The following UBE2E2 variants were observed in gnomAD, a reference collection of about 807,000 sequenced individuals.
The protein encoded by UBE2E2 is ubiquitin-conjugating enzyme E2 E2.
A neutral mutation model predicts 24.7 loss-of-function variants in UBE2E2; 6 were observed. That is an observed-to-expected ratio of 0.24 (90% confidence interval 0.13 to 0.48). The LOEUF is 0.48. Among genes scored for constraint, UBE2E2 ranks in the 20% least tolerant of loss-of-function variants. UBE2E2 has a pLI of 0.99. For synonymous variants in UBE2E2, 104 were observed against 83.6 expected, an observed-to-expected ratio of 1.24 and a Z score of -1.33; for missense variants, 169 against 245.0, an observed-to-expected ratio of 0.69 and a Z score of 2.07.
chr3:23,332,021 C>T (rs1383646689), intron 3 of UBE2E2, among the ~76,000 whole-genome samples: 1 of 151,970 alleles, frequency 6.6e-6, no homozygotes, highest in Non-Finnish European at 1.5e-5. Context: ...GCTTCTTTAC[C>T]TTAATACGGA....
chr3:23,532,749 A>G (rs375922587), intron 5 of UBE2E2, 48 bp downstream of exon 5: 1 of 1,454,848 alleles, frequency 6.9e-7, no homozygotes, highest in South Asian at 1.7e-5. Context: ...CAAGATTTAA[A>G]TGTCAGACCC....
At chr3:23,484,026 A>T (rs1350079998) in intron 3 of UBE2E2, among the ~76,000 whole-genome samples, 1 of 152,166 alleles carries the variant, frequency 6.6e-6, no homozygotes, top group Non-Finnish European at 1.5e-5. Flanking sequence ...GGAGCAACAA[A>T]TTTGAATATC....
At chr3:23,212,088 A>G (rs1428207263) in intron 2 of UBE2E2, among the ~76,000 whole-genome samples, 1 of 152,234 alleles carries the variant, frequency 6.6e-6, no homozygotes, top group Non-Finnish European at 1.5e-5. Context: ...AATAATTGTA[A>G]TGCAGTAATT....
intron 3 of UBE2E2, among the ~76,000 whole-genome samples, chr3:23,294,693 ATAT>A (rs1050394660): frequency 2.3e-4 from 33 of 146,438 alleles, no homozygotes; most frequent in African/African-American, 6.2e-4. Flanking sequence ...TTTAAATATA[ATAT>A]TTATATAATA....
chr3:23,421,654 C>T lies in UBE2E2; in HGVS notation c.228-77954C>T, dbSNP rs571910360. On this transcript the variant is annotated intron_variant, in intron 3 of 5. Coordinates refer to ENST00000396703, the MANE Select transcript of UBE2E2 (RefSeq NM_152653.4). ...AACTCCTGACCTCATGACCCGCCCA[C>T]CTCGGCCTCTCAAAGTGCTGGGATT... Among the ~76,000 whole-genome samples the T allele has an allele frequency of 4.0e-4, 61 of 152,320 alleles. No individual in the cohort carries two copies. The South Asian group carries it at 0.012, about 31-fold the overall frequency.
intron 3 of UBE2E2, among the ~76,000 whole-genome samples, chr3:23,319,499 T>G (rs188760949): frequency 5.1e-4 from 77 of 152,298 alleles, no homozygotes; most frequent in Admixed American, 1.2e-3. Context: ...TTATTTGTAT[T>G]AACAAATTTA....
intron 4 of UBE2E2, among the ~76,000 whole-genome samples, chr3:23,522,148 T>TTTGGCA (rs58369100): frequency 2.6e-5 from 3 of 115,186 alleles, no homozygotes; most frequent in Admixed American, 8.4e-5. Context: ...TTTTTTTTTT[T>TTTGGCA]GAGGCAGAGT....
intron 5 of UBE2E2, among the ~76,000 whole-genome samples, chr3:23,535,618 CT>C (rs67901258): frequency 0.037 from 3,221 of 85,946 alleles, 10 homozygotes; most frequent in Non-Finnish European, 0.046. Context: ...ATAGAGCATT[CT>C]TTTTTTTTTT....
chr3:23,565,632 G>T (rs190052121), intron 5 of UBE2E2, among the ~76,000 whole-genome samples: 115 of 151,814 alleles, frequency 7.6e-4, no homozygotes, highest in Admixed American at 2.0e-3. Flanking sequence ...AGGTTATAGG[G>T]GCCCTCTGGC....
At chr3:23,269,220 A>G (rs916203236) in intron 3 of UBE2E2, among the ~76,000 whole-genome samples, 4 of 145,906 alleles carry the variant, frequency 2.7e-5, no homozygotes, top group African/African-American at 9.9e-5. Flanking sequence ...ATTAAACTAA[A>G]GAACTTCTGC....
intron 3 of UBE2E2, among the ~76,000 whole-genome samples, chr3:23,233,130 G>A (rs1468133641): frequency 6.6e-6 from 1 of 152,204 alleles, no homozygotes; most frequent in East Asian, 1.9e-4. Context: ...GAGGGAGTTG[G>A]CAATAGCCTG....
chr3:23,425,758 C>G (rs1047760936), intron 3 of UBE2E2, among the ~76,000 whole-genome samples: 3 of 152,078 alleles, frequency 2.0e-5, no homozygotes, highest in African/African-American at 7.2e-5. Flanking sequence ...ATAGAATGCT[C>G]TACCCTCCCC....
intron 3 of UBE2E2, among the ~76,000 whole-genome samples, chr3:23,336,475 G>A (rs1207259656): frequency 6.6e-6 from 1 of 152,140 alleles, no homozygotes; most frequent in Non-Finnish European, 1.5e-5. Flanking sequence ...GTTTTGTCAG[G>A]AGGTCTGCTG....
At chr3:23,330,916 C>G (rs1695041207) in intron 3 of UBE2E2, among the ~76,000 whole-genome samples, 1 of 152,046 alleles carries the variant, frequency 6.6e-6, no homozygotes, top group Non-Finnish European at 1.5e-5. Flanking sequence ...TTAATTTTTT[C>G]TAATTATCTT....
intron 3 of UBE2E2, among the ~76,000 whole-genome samples, chr3:23,433,313 A>T (rs1170043642): frequency 6.6e-6 from 1 of 151,610 alleles, no homozygotes; most frequent in Admixed American, 6.6e-5. Flanking sequence ...TGACTCCATT[A>T]AAAAAAAGCT....
chr3:23,357,731 A>G (rs1575584193), intron 3 of UBE2E2, among the ~76,000 whole-genome samples: 1 of 152,190 alleles, frequency 6.6e-6, no homozygotes, highest in African/African-American at 2.4e-5. Flanking sequence ...CTGAGGGGCG[A>G]TTTGACCCCA....
intron 3 of UBE2E2, 131 bp downstream of exon 3, chr3:23,217,443 A>G: frequency 2.5e-6 from 2 of 798,474 alleles, no homozygotes; most frequent in Non-Finnish European, 4.1e-6. Flanking sequence ...AACTTAAGTG[A>G]CTGTGGAAGA....
At chr3:23,374,507 T>C (rs971614765) in intron 3 of UBE2E2, among the ~76,000 whole-genome samples, 3 of 152,228 alleles carry the variant, frequency 2.0e-5, no homozygotes, top group East Asian at 1.9e-4. Context: ...CCAATTATTA[T>C]AGTTAATGGC....
At chr3:23,338,974 C>G (rs1695293963) in intron 3 of UBE2E2, among the ~76,000 whole-genome samples, 1 of 152,110 alleles carries the variant, frequency 6.6e-6, no homozygotes, top group South Asian at 2.1e-4. Flanking sequence ...ACAAAAAGAT[C>G]TCACTAAAAG....
Sources: allele counts gnomAD v4.1 joint callset (sites outside exome capture counted in the v4.1 genomes callset), GRCh38; gene constraint gnomAD v4.1.1; transcripts MANE v1.5; gene names NCBI Gene and HGNC (gene_info 2026-07-23, HGNC 2026-07-21).